ASAP1: variants seen among roughly 807,000 people sequenced by gnomAD.
ASAP1 encodes arf-GAP with SH3 domain, ANK repeat and PH domain-containing protein 1.
Under a neutral mutation model 145.2 loss-of-function variants are expected in ASAP1, and 43 were observed. That is an observed-to-expected ratio of 0.30 (90% confidence interval 0.23 to 0.38). ASAP1 has a LOEUF of 0.38. Ranked by LOEUF, ASAP1 falls within the 10% of genes least tolerant of loss-of-function variation. The pLI, the probability that ASAP1 is intolerant of heterozygous loss-of-function variation, is 1.00. For synonymous variants in ASAP1, 546 were observed against 515.5 expected (o/e 1.06, Z -0.80); for missense variants, 1,018 against 1,355.3 (o/e 0.75, Z 3.91).
At chr8:130,436,684 C>A (rs937614971) in intron 1 of ASAP1, among the ~76,000 whole-genome samples, 1 of 152,160 alleles carries the variant, frequency 6.6e-6, no homozygotes, top group Non-Finnish European at 1.5e-5. Flanking sequence ...TGCTGGTAAT[C>A]CCAGCAACTT....
At chr8:130,119,629 C>T (rs189215703) in intron 18 of ASAP1, among the ~76,000 whole-genome samples, 26 of 152,216 alleles carry the variant, frequency 1.7e-4, no homozygotes, top group African/African-American at 5.3e-4. Flanking sequence ...CTAGGGTCCA[C>T]GTGATGCTGT....
intron 3 of ASAP1, among the ~76,000 whole-genome samples, chr8:130,274,069 T>A (rs1820736455): frequency 6.6e-6 from 1 of 152,176 alleles, no homozygotes; most frequent in Non-Finnish European, 1.5e-5. Context: ...AAAGGTAATG[T>A]TTGCAATAAA....
At chr8:130,191,095 CT>C (rs1815108603) in intron 5 of ASAP1, among the ~76,000 whole-genome samples, 1 of 150,478 alleles carries the variant, frequency 6.6e-6, no homozygotes, top group South Asian at 2.1e-4. Flanking sequence ...CCTGAGTCTC[CT>C]TGATTTTAAG....
At chr8:130,143,204 A>G (rs766200325) in intron 13 of ASAP1, among the ~76,000 whole-genome samples, 3 of 152,328 alleles carry the variant, frequency 2.0e-5, no homozygotes, top group Non-Finnish European at 2.9e-5. Flanking sequence ...AAAGCTGACA[A>G]TTCTACAACT....
chr8:130,183,478 C>T (rs1304370999), intron 7 of ASAP1, among the ~76,000 whole-genome samples: 2 of 151,898 alleles, frequency 1.3e-5, no homozygotes, highest in African/African-American at 4.8e-5. Context: ...GTAGCTGGGA[C>T]TACAGGAACC....
chr8:130,349,069 T>C (rs1394921516), intron 3 of ASAP1, among the ~76,000 whole-genome samples: 1 of 152,226 alleles, frequency 6.6e-6, no homozygotes, highest in Non-Finnish European at 1.5e-5. Context: ...CCCATCAGGC[T>C]GGCCTGGGTC....
chr8:130,167,360 T>C, intron 11 of ASAP1, 176 bp downstream of exon 11: 1 of 754,608 alleles, frequency 1.3e-6, no homozygotes. Flanking sequence ...CCAGAACATC[T>C]TTCCTATAAG....
rs547764343 is a variant in ASAP1 at position 130,192,329 on chromosome 8, G to A, written c.406-4146C>T. On this transcript the variant is annotated intron_variant, in intron 5 of 29. Coordinates refer to ENST00000518721, the MANE Select transcript of ASAP1 (RefSeq NM_018482.4). Reference sequence around the variant, plus strand: ...TATTAGCTGTATTAAAATTTCACGGGGGGGAGCGATGGGGGACTATGTCTA... The same window carrying A: ...TATTAGCTGTATTAAAATTTCACGGAGGGGAGCGATGGGGGACTATGTCTA... Among the ~76,000 whole-genome samples the A allele has an allele frequency of 1.4e-3, 212 of 147,518 alleles. 1 individual carries two copies. Among genetic ancestry groups the A allele is most frequent in the African/African-American group, 5.1e-3 (203 of 40,002 alleles).
At chr8:130,241,100 T>A in intron 3 of ASAP1, among the ~76,000 whole-genome samples, 1 of 152,236 alleles carries the variant, frequency 6.6e-6, no homozygotes, top group South Asian at 2.1e-4. Context: ...GAGACGCGTA[T>A]GAATCTGACC....
chr8:130,059,375 AGGCTGGTC>A (rs1379500679), intron 28 of ASAP1, among the ~76,000 whole-genome samples: 1 of 152,128 alleles, frequency 6.6e-6, no homozygotes, highest in Non-Finnish European at 1.5e-5. Context: ...TATGTTGCCC[AGGCTGGTC>A]ATGAATCCTG....
At chr8:130,260,848 TG>T (rs1819853116) in intron 3 of ASAP1, among the ~76,000 whole-genome samples, 1 of 152,316 alleles carries the variant, frequency 6.6e-6, no homozygotes, top group East Asian at 1.9e-4. Flanking sequence ...TGAAGATTTT[TG>T]GGAGAAAGAA....
At chr8:130,135,725 A>G (rs74523877) in intron 14 of ASAP1, among the ~76,000 whole-genome samples, 2,735 of 152,314 alleles carry the variant, frequency 0.018, 38 homozygotes, top group East Asian at 0.065. Flanking sequence ...CAGATGCTCT[A>G]TAACTGCCAA....
chr8:130,319,828 C>A (rs1823889580), intron 3 of ASAP1, among the ~76,000 whole-genome samples: 2 of 152,054 alleles, frequency 1.3e-5, no homozygotes, highest in South Asian at 4.1e-4. Flanking sequence ...AAACAGAGGG[C>A]AAAAGTTTTT....
intron 27 of ASAP1, among the ~76,000 whole-genome samples, chr8:130,072,492 C>T (rs2097448954): frequency 7.1e-6 from 1 of 141,674 alleles, no homozygotes; most frequent in Admixed American, 7.3e-5. Context: ...CGAGGCCTCC[C>T]CTGCCACATG....
chr8:130,117,036 T>C lies in ASAP1; in HGVS notation c.1881-41A>G. ...ATGATTAGAAAAAAATGACTTACTT[T>C]ATAACTTAAAACTATAGATTAGCCA... On this transcript the variant is annotated intron_variant, in intron 20 of 29. Transcript: ENST00000518721. 3 of 1,458,584 alleles carry C rather than the reference T, an allele frequency of 2.1e-6. No homozygotes were observed. The South Asian group carries it at 3.6e-5, about 18-fold the overall frequency. 90.4% of individuals were successfully genotyped at this position (1,458,584 alleles called of 1,614,324 possible). A position where few individuals can be genotyped will look rare whatever the true frequency, so the allele number is the denominator to read the frequency against.
intron 2 of ASAP1, among the ~76,000 whole-genome samples, chr8:130,371,733 G>C (rs912148176): frequency 1.3e-5 from 2 of 152,186 alleles, no homozygotes; most frequent in Non-Finnish European, 2.9e-5. Flanking sequence ...TAGAACCAGG[G>C]AAACAGAAAA....
intron 4 of ASAP1, among the ~76,000 whole-genome samples, chr8:130,219,762 C>T (rs1008262135): frequency 1.3e-5 from 2 of 152,170 alleles, no homozygotes; most frequent in Non-Finnish European, 2.9e-5. Context: ...CTGGCATCCA[C>T]GACATTGTTG....
chr8:130,322,303 T>TAA (rs5895042), intron 3 of ASAP1, among the ~76,000 whole-genome samples: 1 of 147,214 alleles, frequency 6.8e-6, no homozygotes, highest in Non-Finnish European at 1.5e-5. Flanking sequence ...CATCTGTGGT[T>TAA]AAAAAAAAAA....
At chr8:130,158,290 T>C (rs906890979) in intron 12 of ASAP1, among the ~76,000 whole-genome samples, 4 of 151,576 alleles carry the variant, frequency 2.6e-5, no homozygotes, top group African/African-American at 9.7e-5. Flanking sequence ...TGGGAGAATT[T>C]CTTGAGGCCA....
Sources: gnomAD v4.1 joint callset for allele counts (sites outside exome capture counted in the v4.1 genomes callset) on GRCh38, gnomAD v4.1.1 for gene constraint, MANE v1.5 for transcripts, NCBI Gene and HGNC (gene_info 2026-07-23, HGNC 2026-07-21) for gene names.